FAM135B: variants seen among roughly 807,000 people sequenced by gnomAD.
FAM135B encodes the protein family with sequence similarity 135 member B.
Under a neutral mutation model 127.7 loss-of-function variants are expected in FAM135B, and 43 were observed. The observed-to-expected ratio is 0.34, with a 90% CI of 0.26 to 0.43. The LOEUF (loss-of-function observed/expected upper bound fraction) is 0.43. Ranked by LOEUF, FAM135B falls within the 20% of genes least tolerant of loss-of-function variation. The pLI, the probability that FAM135B is intolerant of heterozygous loss-of-function variation, is 1.00. For missense variants in FAM135B, 1,558 were observed against 1,725.6 expected (o/e 0.90, Z 1.72); for synonymous variants, 670 against 665.1 (o/e 1.01, Z -0.11).
intron 2 of FAM135B, among the ~76,000 whole-genome samples, chr8:138,345,910 C>G (rs181042403): frequency 5.7e-4 from 86 of 150,574 alleles, no homozygotes; most frequent in African/African-American, 2.1e-3. Flanking sequence ...ATCCATCCAT[C>G]TGACAAAGGT....
intron 7 of FAM135B, among the ~76,000 whole-genome samples, chr8:138,239,392 C>T (rs535066181): frequency 1.3e-5 from 2 of 152,334 alleles, no homozygotes; most frequent in South Asian, 4.1e-4. Flanking sequence ...CCTTCACCCA[C>T]TTGTTGATGG....
chr8:138,137,005 C>T (rs1458016634), intron 19 of FAM135B, 142 bp downstream of exon 19: 2 of 621,870 alleles, frequency 3.2e-6, no homozygotes, highest in African/African-American at 3.7e-5. Flanking sequence ...TCGAGATGAG[C>T]TATGTTTGTC....
chr8:138,482,523 C>G (rs918113496), intron 1 of FAM135B, among the ~76,000 whole-genome samples: 5 of 152,048 alleles, frequency 3.3e-5, no homozygotes, highest in African/African-American at 1.2e-4. Flanking sequence ...GGCTCCACCT[C>G]TTCATTTTGC....
At chr8:138,329,645 G>A (rs571014091) in intron 2 of FAM135B, among the ~76,000 whole-genome samples, 1 of 152,252 alleles carries the variant, frequency 6.6e-6, no homozygotes, top group East Asian at 1.9e-4. Flanking sequence ...GCTGAAGTGA[G>A]GAGCAGGTAG....
Position 138,497,026 on chromosome 8 carries a change from A to G in FAM135B, c.-375T>C, listed in dbSNP as rs1271913564. Among the ~76,000 whole-genome samples, 1 of 151,902 alleles carries G rather than the reference A, an allele frequency of 6.6e-6. No homozygotes were observed. The highest frequency in any genetic ancestry group is 2.4e-5 in the African/African-American group (1 of 41,422). On this transcript the variant is annotated 5_prime_UTR_variant, in exon 1 of 20. Coordinates refer to ENST00000395297, the MANE Select transcript of FAM135B (RefSeq NM_015912.4). ...GCTGTCAGCGCGGTCGGGGGAACGC[A>G]GCCGCCAGCGCCGCAAGAAAGCAAG...
intron 7 of FAM135B, among the ~76,000 whole-genome samples, chr8:138,228,588 G>A (rs1819659656): frequency 1.3e-5 from 2 of 152,130 alleles, no homozygotes; most frequent in African/African-American, 4.8e-5. Flanking sequence ...TGTTTGACAA[G>A]GTAGGTTTCA....
intron 1 of FAM135B, among the ~76,000 whole-genome samples, chr8:138,372,702 C>T (rs145699420): frequency 2.1e-4 from 32 of 152,222 alleles, no homozygotes; most frequent in Non-Finnish European, 7.4e-5. Context: ...TACGCGCAGA[C>T]TATGTTTAGC....
chr8:138,175,739 T>C (rs1235910921), intron 11 of FAM135B, among the ~76,000 whole-genome samples: 1 of 152,224 alleles, frequency 6.6e-6, no homozygotes, highest in Non-Finnish European at 1.5e-5. Context: ...TCTCTTCATT[T>C]TCTATGTTCT....
In FAM135B at chr8:138,241,410, T is replaced by G. The variant is rs1381637653; in HGVS notation, c.669+1532A>C. 6.6e-6 allele frequency among the ~76,000 whole-genome samples: 1 copy of G among 152,198 alleles called. No homozygotes were observed. The highest frequency in any genetic ancestry group is 1.5e-5 in the Non-Finnish European group (1 of 68,040). ...CCATGGCACAGAACCCCATTCTGGC[T>G]TCAGGTCCCCTCAGCAGGTTCTTGA... On this transcript the variant is annotated intron_variant, in intron 7 of 19. Transcript: ENST00000395297. The surrounding 1 kb of genome is among the most constrained non-coding windows in gnomAD (Gnocchi z 4.8).
intron 1 of FAM135B, among the ~76,000 whole-genome samples, chr8:138,466,157 G>C (rs1837370541): frequency 1.3e-5 from 2 of 152,196 alleles, no homozygotes. Context: ...TCCAGGTCTT[G>C]CTCATATGCA....
intron 1 of FAM135B, among the ~76,000 whole-genome samples, chr8:138,419,817 A>C (rs1834382631): frequency 6.6e-6 from 1 of 152,150 alleles, no homozygotes; most frequent in South Asian, 2.1e-4. Context: ...AAGATACAAC[A>C]TACCAGAATC....
At chr8:138,321,343 G>C (rs1239023573) in intron 2 of FAM135B, among the ~76,000 whole-genome samples, 2 of 152,136 alleles carry the variant, frequency 1.3e-5, no homozygotes, top group African/African-American at 4.8e-5. Context: ...ATCACAGCTG[G>C]GATGAAGCTG....
In FAM135B at chr8:138,195,326, C is replaced by G; in HGVS notation, c.824-19G>C. 1 of 1,612,948 alleles carries G rather than the reference C, an allele frequency of 6.2e-7. No individual in the cohort carries two copies. Among genetic ancestry groups the G allele is most frequent in the African/African-American group, 1.3e-5 (1 of 75,032 alleles). On this transcript the variant is annotated intron_variant, in intron 8 of 19. Transcript: ENST00000395297. ...AGGGCCTCTAGAAAGAAAAAATAAACTGTGTGATTAAATGAACCCACACTG... is the reference window on the plus strand; with the variant it reads ...AGGGCCTCTAGAAAGAAAAAATAAAGTGTGTGATTAAATGAACCCACACTG...
chr8:138,414,934 A>G (rs1313608311), intron 1 of FAM135B, among the ~76,000 whole-genome samples: 18 of 152,154 alleles, frequency 1.2e-4, no homozygotes. Context: ...GAGTTCTCCA[A>G]GCACCAAATG....
intron 7 of FAM135B, among the ~76,000 whole-genome samples, chr8:138,207,227 T>C (rs894938150): frequency 9.2e-5 from 14 of 151,658 alleles, no homozygotes; most frequent in African/African-American, 3.4e-4. Context: ...TTTTTTTTTT[T>C]TTTTTTTTTG....
intron 2 of FAM135B, among the ~76,000 whole-genome samples, chr8:138,335,398 T>G (rs11166810): frequency 6.6e-6 from 1 of 152,016 alleles, no homozygotes; most frequent in Admixed American, 6.5e-5. Context: ...AAACCCTAAA[T>G]AGTCATACAA....
intron 5 of FAM135B, among the ~76,000 whole-genome samples, chr8:138,251,279 T>C (rs1166913405): frequency 6.6e-6 from 1 of 152,182 alleles, no homozygotes; most frequent in East Asian, 1.9e-4. Flanking sequence ...ATCAAGTTCA[T>C]GTGTCAGTGA....
chr8:138,265,691 T>C lies in FAM135B; in HGVS notation c.297+12A>G, dbSNP rs61703386. ...ACAGCTACTTGTGGCTGGTGGTAGA[T>C]TCATGACTTACCCTTTCACCACCCA... On this transcript the variant is annotated intron_variant, in intron 4 of 19. Transcript: ENST00000395297. 227,113 of 1,613,372 alleles carry C rather than the reference T, an allele frequency of 0.14. 16,765 individuals are homozygous for C. Among genetic ancestry groups the C allele is most frequent in the Non-Finnish European group, 0.15 (175,905 of 1,179,482 alleles).
chr8:138,360,059 GA>G, intron 2 of FAM135B, among the ~76,000 whole-genome samples: 1 of 152,140 alleles, frequency 6.6e-6, no homozygotes, highest in East Asian at 1.9e-4. Flanking sequence ...CCACTGGGGA[GA>G]AAATCTCCTA....
Sources: allele counts gnomAD v4.1 joint callset (sites outside exome capture counted in the v4.1 genomes callset), GRCh38; gene constraint gnomAD v4.1.1; non-coding constraint Gnocchi (gnomAD v3.1); transcripts MANE v1.5; gene names NCBI Gene and HGNC (gene_info 2026-07-23, HGNC 2026-07-21).